SUMF1: variants seen among roughly 807,000 people sequenced by gnomAD.
SUMF1 encodes sulfatase modifying factor 1.
A neutral mutation model predicts 47.6 loss-of-function variants in SUMF1; 48 were observed. The ratio of observed to expected loss-of-function variants is 1.01; its 90% CI spans 0.80 to 1.28. The LOEUF (loss-of-function observed/expected upper bound fraction) is 1.28. Among genes scored for constraint, SUMF1 ranks in the 50% most tolerant of loss-of-function variants. The probability of loss-of-function intolerance (pLI) is 0.00; values close to 1 mark genes in which losing one functional copy is unlikely to be tolerated. For missense variants in SUMF1, 571 were observed against 485.4 expected, an observed-to-expected ratio of 1.18 and a Z score of -1.66; for synonymous variants, 230 against 192.1, an observed-to-expected ratio of 1.20 and a Z score of -1.63.
intron 7 of SUMF1, among the ~76,000 whole-genome samples, chr3:4,387,134 C>G (rs769070282): frequency 2.0e-5 from 3 of 151,984 alleles, no homozygotes; most frequent in Non-Finnish European, 2.9e-5. Context: ...GTGTTCCCTT[C>G]TTTTCATTTT....
intron 8 of SUMF1, among the ~76,000 whole-genome samples, chr3:4,273,086 A>G (rs310696): frequency 0.22 from 33,207 of 148,884 alleles, 5,003 homozygotes; most frequent in African/African-American, 0.42. Context: ...ATATAAATAT[A>G]TATACACACA....
At chr3:4,386,503 C>T in intron 7 of SUMF1, among the ~76,000 whole-genome samples, 1 of 151,938 alleles carries the variant, frequency 6.6e-6, no homozygotes, top group East Asian at 1.9e-4. Flanking sequence ...TTGGTAGATT[C>T]CTTGGGACTT....
At chr3:4,423,735 G>A (rs1044100633) in intron 3 of SUMF1, among the ~76,000 whole-genome samples, 2 of 152,096 alleles carry the variant, frequency 1.3e-5, no homozygotes, top group Admixed American at 6.5e-5. Flanking sequence ...TGGAGGTGGC[G>A]CCTGGTGGGA....
chr3:4,074,699 T>C (rs1292425780), intron 8 of SUMF1, among the ~76,000 whole-genome samples: 2 of 152,014 alleles, frequency 1.3e-5, no homozygotes, highest in Admixed American at 6.5e-5. Flanking sequence ...CATCAGAGAA[T>C]AGTATAAACA....
intron 3 of SUMF1, among the ~76,000 whole-genome samples, chr3:4,435,692 G>A (rs1253962109): frequency 6.6e-6 from 1 of 152,162 alleles, no homozygotes. Flanking sequence ...TGAAATGACT[G>A]TCATCAGCAA....
chr3:4,271,506 GATAGATAGAT>G (rs879451734), intron 8 of SUMF1, among the ~76,000 whole-genome samples: 165 of 150,800 alleles, frequency 1.1e-3, no homozygotes, highest in Admixed American at 8.0e-3. Flanking sequence ...TAGATAGATA[GATAGATAGAT>G]AGATACAGAG....
Position 4,467,027 on chromosome 3 carries a change from C to G in SUMF1, c.219G>C (p.Glu73Asp), listed in dbSNP as rs1401288286. The G allele has an allele frequency of 6.3e-7, 1 of 1,586,394 alleles. No individual in the cohort carries two copies. Among genetic ancestry groups the G allele is most frequent in the Non-Finnish European group, 8.6e-7 (1 of 1,168,090 alleles). ...SSAAAHRYSREANAPGPVPGE... is the reference protein window; with the variant it reads ...SSAAAHRYSRDANAPGPVPGE... ...CGGGTACGGGGCCCGGAGCGTTAGCCTCCCGCGAGTATCGGTGAGCGGCTG... is the reference window on the plus strand; with the variant it reads ...CGGGTACGGGGCCCGGAGCGTTAGCGTCCCGCGAGTATCGGTGAGCGGCTG... The change falls in exon 1 of 9, where the codon GAG (glutamate) becomes GAC (aspartate). Residue 73 changes from glutamate (E) to aspartate (D), a missense_variant. Physicochemically the swap from Glu to Asp is conservative, Grantham distance 45. Coordinates refer to ENST00000272902, the MANE Select transcript of SUMF1 (RefSeq NM_182760.4).
chr3:4,072,748 A>G (rs1217040522), intron 8 of SUMF1, among the ~76,000 whole-genome samples: 1 of 152,168 alleles, frequency 6.6e-6, no homozygotes, highest in Non-Finnish European at 1.5e-5. Flanking sequence ...TTGAAGGTCA[A>G]ATTGATGAAA....
intron 8 of SUMF1, among the ~76,000 whole-genome samples, chr3:4,348,096 T>C (rs1256967482): frequency 1.3e-5 from 2 of 152,234 alleles, no homozygotes; most frequent in Non-Finnish European, 2.9e-5. Flanking sequence ...AAAATGGCCA[T>C]AGTGCCCAAA....
intron 3 of SUMF1, among the ~76,000 whole-genome samples, chr3:4,441,072 C>G (rs1015956665): frequency 2.0e-5 from 3 of 152,126 alleles, no homozygotes; most frequent in Non-Finnish European, 2.9e-5. Flanking sequence ...TATTGGGAAC[C>G]GGGCCAAACA....
chr3:4,431,647 G>C (rs902945526), intron 3 of SUMF1, among the ~76,000 whole-genome samples: 2 of 152,180 alleles, frequency 1.3e-5, no homozygotes, highest in Non-Finnish European at 2.9e-5. Context: ...AGCAGAAAAG[G>C]CTGTAACATC....
At chr3:4,393,093 C>A (rs1254776624) in intron 7 of SUMF1, among the ~76,000 whole-genome samples, 1 of 152,140 alleles carries the variant, frequency 6.6e-6, no homozygotes, top group Middle Eastern at 3.2e-3. Flanking sequence ...TATTTCACAC[C>A]TTTAATGTCT....
intron 4 of SUMF1, among the ~76,000 whole-genome samples, chr3:4,418,706 C>A (rs1337596171): frequency 6.6e-6 from 1 of 152,214 alleles, no homozygotes; most frequent in Non-Finnish European, 1.5e-5. Context: ...CATTCTGCAT[C>A]CTAAACTCTG....
chr3:4,102,803 A>G (rs929699837), intron 8 of SUMF1, among the ~76,000 whole-genome samples: 4 of 152,024 alleles, frequency 2.6e-5, no homozygotes, highest in Admixed American at 2.6e-4. Flanking sequence ...AGGGTGAAGG[A>G]AGGAGTAGGG....
At chr3:4,292,306 G>C (rs1443552826) in intron 8 of SUMF1, among the ~76,000 whole-genome samples, 2 of 152,188 alleles carry the variant, frequency 1.3e-5, no homozygotes, top group Non-Finnish European at 1.5e-5. Context: ...TTAAGTCATT[G>C]ATTAAACGCA....
chr3:4,447,674 T>C (rs1425326341), intron 3 of SUMF1, among the ~76,000 whole-genome samples: 5 of 152,188 alleles, frequency 3.3e-5, no homozygotes, highest in Non-Finnish European at 7.3e-5. Flanking sequence ...CATTGACACA[T>C]TTATGTTACT....
rs545327769 is a variant in SUMF1 at position 4,420,073 on chromosome 3, A to G, written c.593T>C (p.Ile198Thr). ...GAGGGACCAGCCTCACCTGTGCAGA[A>G]TAGTAGAGTCAGGCCCTTCTGGGTG... ...WRHPEGPDST[I>T]LHRPDHPVLH... Residue 198 changes from isoleucine to threonine, a missense_variant, in exon 4 of 9, where the codon ATT becomes ACT. Transcript: ENST00000272902. 14 of 1,614,064 alleles carry G rather than the reference A, an allele frequency of 8.7e-6. No homozygotes were observed. Among genetic ancestry groups the G allele is most frequent in the African/African-American group, 8.0e-5 (6 of 75,052 alleles).
chr3:4,051,950 T>G (rs933416125), intron 9 of SUMF1, among the ~76,000 whole-genome samples: 1 of 152,092 alleles, frequency 6.6e-6, no homozygotes, highest in Non-Finnish European at 1.5e-5. Flanking sequence ...CTAACAACCA[T>G]AGGGCACTTT....
At chr3:4,244,948 C>T (rs1280851848) in intron 8 of SUMF1, among the ~76,000 whole-genome samples, 4 of 151,918 alleles carry the variant, frequency 2.6e-5, no homozygotes, top group Non-Finnish European at 5.9e-5. Flanking sequence ...GTTTTTTTCA[C>T]TCTTTTTTCT....
Sources: gnomAD v4.1 joint callset for allele counts (sites outside exome capture counted in the v4.1 genomes callset) on GRCh38, gnomAD v4.1.1 for gene constraint, MANE v1.5 for transcripts, NCBI Gene and HGNC (gene_info 2026-07-23, HGNC 2026-07-21) for gene names.